The following LONRF3 variants were observed in gnomAD, a reference collection of about 807,000 sequenced individuals.
LONRF3 encodes the protein LON peptidase N-terminal domain and ring finger 3.
In LONRF3, 19 loss-of-function variants were observed where a neutral mutation model predicts 51.7. The ratio of observed to expected loss-of-function variants is 0.37; its 90% CI spans 0.26 to 0.54. The LOEUF is 0.54. LONRF3 is among the 20% of genes least tolerant of loss of function. The pLI is 0.86. For synonymous variants in LONRF3, 265 were observed against 257.8 expected, an observed-to-expected ratio of 1.03 and a Z score of -0.27; for missense variants, 521 against 623.9, an observed-to-expected ratio of 0.84 and a Z score of 1.76.
intron 5 of LONRF3, among the ~76,000 whole-genome samples, chrX:118,992,775 A>T (rs2100527): frequency 0.47 from 51,672 of 109,720 alleles, 9,717 homozygotes; most frequent in African/African-American, 0.69. Flanking sequence ...CATTGCACCC[A>T]CCACCACCTC....
intron 7 of LONRF3, among the ~76,000 whole-genome samples, chrX:119,011,609 A>G (rs1416006259): frequency 1.8e-5 from 2 of 112,469 alleles, no homozygotes; most frequent in Non-Finnish European, 3.8e-5. Flanking sequence ...GCATCAGATC[A>G]TGGGACTCAG....
At chrX:118,980,336 C>A (rs1922460356) in intron 2 of LONRF3, among the ~76,000 whole-genome samples, 1 of 112,169 alleles carries the variant, frequency 8.9e-6, no homozygotes, top group Non-Finnish European at 1.9e-5. Context: ...TCAGCAGATT[C>A]CATGAAAATT....
At chrX:119,003,613 T>C (rs929897889) in intron 5 of LONRF3, among the ~76,000 whole-genome samples, 4 of 112,604 alleles carry the variant, frequency 3.6e-5, no homozygotes, top group Admixed American at 2.8e-4. Context: ...GCTAGTCATA[T>C]ACTGTTTTAA....
chrX:119,014,449 A>G, intron 10 of LONRF3, 93 bp downstream of exon 10: 1 of 822,196 alleles, frequency 1.2e-6, no homozygotes, highest in Non-Finnish European at 1.7e-6. Flanking sequence ...GCCATTCAGC[A>G]CATCGAATGC....
At position 118,975,214 on chromosome X, in the gene LONRF3, CGGCTGCGGCGGCCACCGA is replaced by C. The variant is rs1477557780; in HGVS notation, c.437_454del (p.Ala146_Glu151del). 1 of 1,171,747 alleles carries C rather than the reference CGGCTGCGGCGGCCACCGA, an allele frequency of 8.5e-7. No homozygotes were observed. Among genetic ancestry groups the C allele is most frequent in the South Asian group, 1.9e-5 (1 of 52,770 alleles). Reference sequence around the variant, plus strand: ...GCGGCGGAAGAGACGGGGGCCGCCGCGGCTGCGGCGGCCACCGAGGTGTGGGACGGCTTTAAGTGCCGG... The same window carrying C: ...GCGGCGGAAGAGACGGGGGCCGCCGCGGTGTGGGACGGCTTTAAGTGCCGG... On this transcript the variant is annotated inframe_deletion, in exon 1 of 11. Transcript: ENST00000371628.
chrX:119,011,112 TAAA>T (rs753631329), intron 7 of LONRF3, among the ~76,000 whole-genome samples: 3 of 86,453 alleles, frequency 3.5e-5, no homozygotes, highest in Non-Finnish European at 2.3e-5. Flanking sequence ...AGACTCCGCT[TAAA>T]AAAAAAAAAA....
At chrX:118,985,605 C>T (rs1268113096) in intron 3 of LONRF3, among the ~76,000 whole-genome samples, 1 of 112,099 alleles carries the variant, frequency 8.9e-6, no homozygotes, top group African/African-American at 3.2e-5. Flanking sequence ...CTGTTATGTG[C>T]CCTCTAGAAG....
At chrX:118,993,677 A>G (rs902719717) in intron 5 of LONRF3, among the ~76,000 whole-genome samples, 5 of 111,727 alleles carry the variant, frequency 4.5e-5, no homozygotes, top group African/African-American at 1.6e-4. Flanking sequence ...AGCACAAAGA[A>G]CACCTGGGAA....
chrX:118,983,697 G>C (rs1392244374), intron 3 of LONRF3, among the ~76,000 whole-genome samples: 1 of 112,108 alleles, frequency 8.9e-6, no homozygotes, highest in Non-Finnish European at 1.9e-5. Flanking sequence ...GACAGTTGGC[G>C]GTTGTCTCTG....
chrX:118,996,345 C>T (rs1196364164), intron 5 of LONRF3, among the ~76,000 whole-genome samples: 2 of 111,095 alleles, frequency 1.8e-5, no homozygotes, highest in Non-Finnish European at 1.9e-5. Context: ...AAATAAAGGG[C>T]ATCCAAATCA....
rs992504908 is a variant in LONRF3 at position 119,012,056 on chromosome X, G to C, written c.1811+83G>C. 7 of 1,015,723 alleles carry C rather than the reference G, an allele frequency of 6.9e-6. No homozygotes were observed. The Admixed American group carries it at 1.7e-4, about 24-fold the overall frequency. 83.7% of individuals were successfully genotyped at this position (1,015,723 alleles called of 1,213,427 possible). ...CTTTGGGGTACTCCCAGGAGACAGG[G>C]AGGCCTAGCTCATGAGGTTTAGCCA... On this transcript the variant is annotated intron_variant, in intron 8 of 10. Transcript: ENST00000371628.
At chrX:118,991,936 T>C (rs1923459226) in intron 5 of LONRF3, among the ~76,000 whole-genome samples, 2 of 111,871 alleles carry the variant, frequency 1.8e-5, no homozygotes, top group African/African-American at 6.5e-5. Flanking sequence ...ATGTTCTATA[T>C]ATGGATTCTA....
At position 118,975,289 on chromosome X, in the gene LONRF3, C is replaced by G; in HGVS notation, c.509C>G (p.Ser170Cys). The G allele has an allele frequency of 8.3e-7, 1 of 1,210,493 alleles. No homozygotes were observed. The highest frequency in any genetic ancestry group is 1.1e-6 in the Non-Finnish European group (1 of 895,182). The change falls in exon 1 of 11, where the codon TCC becomes TGC. Residue 170 changes from serine (S) to cysteine (C), a missense_variant. Physicochemically the swap from Ser to Cys is moderately radical, Grantham distance 112. This residue lies in a region of LONRF3 where 376 missense variants were observed against 376.7 expected (regional missense o/e 1.00). Transcript: ENST00000371628. ...CATGGGTTTCTATCAGACCCCGTGT[C>G]CTTGTCGTGTGGCCACACCTTTTGT... ...KCHGFLSDPV[S>C]LSCGHTFCKL...
chrX:118,980,159 G>A (rs1922447556), intron 2 of LONRF3, among the ~76,000 whole-genome samples: 1 of 112,276 alleles, frequency 8.9e-6, no homozygotes, highest in Non-Finnish European at 1.9e-5. Flanking sequence ...CACAACCCAA[G>A]GATGCCTTCC....
chrX:119,011,789 T>A, intron 7 of LONRF3, 26 bp from the exon 8 acceptor site: 3 of 1,205,192 alleles, frequency 2.5e-6, no homozygotes, highest in Non-Finnish European at 3.4e-6. Context: ...TGCTTTGAGA[T>A]CCCTGTCATT....
At chrX:119,005,479 T>C (rs764211887) in intron 5 of LONRF3, among the ~76,000 whole-genome samples, 2 of 112,143 alleles carry the variant, frequency 1.8e-5, no homozygotes, top group Non-Finnish European at 3.8e-5. Context: ...TGTGTGTATA[T>C]GCATCAATAT....
At chrX:118,988,076 A>G (rs1301331469) in intron 3 of LONRF3, among the ~76,000 whole-genome samples, 1 of 111,204 alleles carries the variant, frequency 9.0e-6, no homozygotes, top group Non-Finnish European at 1.9e-5. Context: ...GGGCATCTTT[A>G]GGGGGCAGTT....
At chrX:118,981,038 C>T (rs957727420) in intron 2 of LONRF3, among the ~76,000 whole-genome samples, 1 of 111,636 alleles carries the variant, frequency 9.0e-6, no homozygotes, top group Non-Finnish European at 1.9e-5. Flanking sequence ...TTGCATATTT[C>T]CCAACATTTC....
chrX:119,005,894 G>A (rs926007120), intron 5 of LONRF3, among the ~76,000 whole-genome samples: 4 of 111,744 alleles, frequency 3.6e-5, no homozygotes, highest in Non-Finnish European at 5.6e-5. Flanking sequence ...TAGAATTGAT[G>A]TTACAAAATG....
Sources: allele counts gnomAD v4.1 joint callset (sites outside exome capture counted in the v4.1 genomes callset), GRCh38; gene constraint gnomAD v4.1.1; regional missense constraint gnomAD v4.1.1; transcripts MANE v1.5; gene names NCBI Gene and HGNC (gene_info 2026-07-23, HGNC 2026-07-21).